NCLN: variants seen among roughly 807,000 people sequenced by gnomAD.
NCLN encodes nicalin.
A neutral mutation model predicts 69.5 loss-of-function variants in NCLN; 34 were observed. That is an observed-to-expected ratio of 0.49 (90% CI 0.37 to 0.65). The LOEUF (loss-of-function observed/expected upper bound fraction) is 0.65. NCLN is among the 30% of genes least tolerant of loss of function. The pLI is 0.00. For synonymous variants in NCLN, 393 were observed against 358.3 expected (o/e 1.10, Z -1.09); for missense variants, 710 against 804.8 (o/e 0.88, Z 1.42).
At chr19:3,188,116 A>G (rs1915716754) in intron 1 of NCLN, among the ~76,000 whole-genome samples, 1 of 151,416 alleles carries the variant, frequency 6.6e-6, no homozygotes, top group Non-Finnish European at 1.5e-5. Flanking sequence ...CAAAGACCCC[A>G]CTCCTAGAGC....
At chr19:3,190,765 G>A (rs1373706294) in intron 1 of NCLN, among the ~76,000 whole-genome samples, 1 of 152,168 alleles carries the variant, frequency 6.6e-6, no homozygotes, top group African/African-American at 2.4e-5. Flanking sequence ...CCTGTACCCG[G>A]CCCCCCTGCG....
rs914622588 is a variant in NCLN, at chr19:3,189,699, T to C, written c.185-2771T>C. Among the ~76,000 whole-genome samples the C allele has an allele frequency of 4.6e-5, 7 of 152,366 alleles. No individual in the cohort carries two copies. The East Asian group carries it at 1.4e-3, about 29-fold the overall frequency. On this transcript the variant is annotated intron_variant, in intron 1 of 14. Coordinates refer to ENST00000246117, the MANE Select transcript of NCLN (RefSeq NM_020170.4). ...CTGGTTTCGCCTCCGCAGAGGGCCG[T>C]GTCCACACTAGCTTGTGGCCACCCG...
At chr19:3,206,524 T>G (rs1916277525) in intron 12 of NCLN, 99 bp downstream of exon 12, 2 of 1,385,502 alleles carry the variant, frequency 1.4e-6, no homozygotes, top group Non-Finnish European at 1.9e-6. Context: ...GGATGCCAGG[T>G]GGAGCAAATA....
intron 1 of NCLN, among the ~76,000 whole-genome samples, chr19:3,188,942 G>T (rs1019678487): frequency 5.3e-5 from 8 of 152,226 alleles, no homozygotes; most frequent in African/African-American, 1.9e-4. Flanking sequence ...CCCTTGAGAA[G>T]CCCCAGCGTG....
At position 3,203,526 on chromosome 19, in the gene NCLN, A is replaced by G. The variant is rs992174626; in HGVS notation, c.801-230A>G. On this transcript the variant is annotated intron_variant, in intron 6 of 14. Transcript: ENST00000246117. ...CTCCCGGTATGGGGTGGGTGAGGCCAGGGATGCCACTCAGCACCCTGAAGT... is the reference window on the plus strand; with the variant it reads ...CTCCCGGTATGGGGTGGGTGAGGCCGGGGATGCCACTCAGCACCCTGAAGT... Among the ~76,000 whole-genome samples, 4 of 152,098 alleles carry G rather than the reference A, an allele frequency of 2.6e-5. No homozygotes were observed. In the East Asian group the frequency reaches 7.7e-4, roughly 29 times the overall value.
chr19:3,207,639 T>G lies in NCLN; in HGVS notation c.1643T>G (p.Leu548Arg), dbSNP rs1240650885. The change falls in exon 15 of 15, where the codon CTC becomes CGC. Residue 548 changes from leucine (L) to arginine (R), a missense_variant. Transcript: ENST00000246117. ...CTGCTGTGTCCCCAGCACTTCAGCC[T>G]CCTCTACAAGACCGTCCAGAGGCTG... Reference protein sequence around the residue: ...MAYVAVQHFSLLYKTVQRLLV... With the variant: ...MAYVAVQHFSRLYKTVQRLLV... 6.2e-7 allele frequency: 1 copy of G among 1,612,950 alleles called. No homozygotes were observed.
chr19:3,197,735 C>T (rs1412969749), intron 4 of NCLN, among the ~76,000 whole-genome samples: 4 of 152,110 alleles, frequency 2.6e-5, no homozygotes, highest in Non-Finnish European at 5.9e-5. Context: ...ATTCTCCTGC[C>T]TCAGCCTCCT....
At chr19:3,186,611 A>G (rs1281065136) in intron 1 of NCLN, among the ~76,000 whole-genome samples, 5 of 152,038 alleles carry the variant, frequency 3.3e-5, no homozygotes, top group Middle Eastern at 3.2e-3. Flanking sequence ...GTCCGGGCTC[A>G]CTTGAGCAGA....
chr19:3,194,383 CA>C (rs919643401), intron 3 of NCLN, among the ~76,000 whole-genome samples: 19 of 145,518 alleles, frequency 1.3e-4, no homozygotes, highest in Non-Finnish European at 1.4e-4. Flanking sequence ...ATGTCCATCT[CA>C]AAAAAAAAAA....
chr19:3,188,142 C>T (rs1915718161), intron 1 of NCLN, among the ~76,000 whole-genome samples: 2 of 152,140 alleles, frequency 1.3e-5, no homozygotes, highest in Non-Finnish European at 2.9e-5. Context: ...ATACCCTGTT[C>T]ACACTCTTGG....
intron 1 of NCLN, among the ~76,000 whole-genome samples, chr19:3,187,446 C>G (rs924376440): frequency 6.6e-6 from 1 of 152,244 alleles, no homozygotes; most frequent in African/African-American, 2.4e-5. Context: ...TCCCTCTCGT[C>G]ACATCTCAGG....
At chr19:3,199,466 C>T (rs1220704835) in intron 5 of NCLN, among the ~76,000 whole-genome samples, 2 of 152,228 alleles carry the variant, frequency 1.3e-5, no homozygotes, top group East Asian at 1.9e-4. Context: ...TGGCCCATGC[C>T]GGGATTCCAG....
intron 1 of NCLN, among the ~76,000 whole-genome samples, chr19:3,191,466 A>G (rs1459088271): frequency 6.6e-6 from 1 of 152,116 alleles, no homozygotes; most frequent in Non-Finnish European, 1.5e-5. Flanking sequence ...CTGCCACCCC[A>G]GCCCCTGGAT....
rs942911332 is a variant in NCLN, at chr19:3,206,423, G to A, written c.1497G>A (p.Lys499=). Residue 499 remains lysine (K), a splice_region_variant and synonymous_variant, in exon 12 of 15, where the codon AAG becomes AAA. Transcript: ENST00000246117. ...DVKQHHVKAD[K]RDPEFVFYDQ... ...AGCAGCACCACGTCAAGGCTGACAA[G>A]CGGTGAGGCTGGGGCTCCGCGCTGG... 2 of 1,546,260 alleles carry A rather than the reference G, an allele frequency of 1.3e-6. No individual in the cohort carries two copies. The highest frequency in any genetic ancestry group is 1.4e-5 in the African/African-American group (1 of 72,992).
At position 3,206,144 on chromosome 19, in the gene NCLN, C is replaced by T. The variant is rs1410670487; in HGVS notation, c.1297-8C>T. 3.3e-6 allele frequency: 5 copies of T among 1,528,282 alleles called. 1 individual carries two copies. The South Asian group carries it at 5.0e-5, about 15-fold the overall frequency. The allele number at this position is 1,528,282 out of a possible 1,614,324, so 94.7% of individuals were successfully genotyped here. ...TGGACTCAGGGCCATCCCCTCCTCT[C>T]TCCGCAGGGGACACCCCCAGACATG... On this transcript the variant is annotated splice_region_variant and splice_polypyrimidine_tract_variant and intron_variant, in intron 10 of 14. Coordinates refer to ENST00000246117, the MANE Select transcript of NCLN (RefSeq NM_020170.4).
chr19:3,186,841 T>A (rs1429369869), intron 1 of NCLN, among the ~76,000 whole-genome samples: 1 of 152,042 alleles, frequency 6.6e-6, no homozygotes, highest in Non-Finnish European at 1.5e-5. Flanking sequence ...CCAAGTGCAT[T>A]TTGTCCAGTG....
chr19:3,204,518 GCT>G, intron 8 of NCLN, 53 bp from the exon 9 acceptor site: 1 of 1,479,410 alleles, frequency 6.8e-7, no homozygotes, highest in Non-Finnish European at 9.0e-7. Context: ...TGGGGAATGG[GCT>G]GGGGTGGCCG....
chr19:3,197,164 T>G (rs1160361577), intron 4 of NCLN, among the ~76,000 whole-genome samples: 1 of 152,178 alleles, frequency 6.6e-6, no homozygotes, highest in African/African-American at 2.4e-5. Flanking sequence ...CGCCAGTTAG[T>G]GTGCAGTGAG....
intron 5 of NCLN, among the ~76,000 whole-genome samples, chr19:3,200,097 G>C (rs114980458): frequency 0.024 from 3,577 of 152,086 alleles, 146 homozygotes; most frequent in African/African-American, 0.082. Flanking sequence ...TGGAGGGCCA[G>C]GCCCCCAGCC....
Sources: allele counts gnomAD v4.1 joint callset (sites outside exome capture counted in the v4.1 genomes callset), GRCh38; gene constraint gnomAD v4.1.1; transcripts MANE v1.5; gene names NCBI Gene and HGNC (gene_info 2026-07-23, HGNC 2026-07-21).